RNF144A: variants seen among roughly 807,000 people sequenced by gnomAD.
RNF144A encodes the protein ring finger protein 144A.
Under a neutral mutation model 38.7 loss-of-function variants are expected in RNF144A, and 11 were observed. The ratio of observed to expected loss-of-function variants is 0.28; its 90% CI spans 0.18 to 0.47. The LOEUF is 0.47. RNF144A is among the 20% of genes least tolerant of loss of function. The pLI, the probability that RNF144A is intolerant of heterozygous loss-of-function variation, is 0.99. For synonymous variants in RNF144A, 149 were observed against 143.9 expected, an observed-to-expected ratio of 1.04 and a Z score of -0.25; for missense variants, 316 against 377.2, an observed-to-expected ratio of 0.84 and a Z score of 1.34.
At chr2:6,974,487 G>A (rs1188751422) in intron 2 of RNF144A, among the ~76,000 whole-genome samples, 1 of 151,938 alleles carries the variant, frequency 6.6e-6, no homozygotes, top group African/African-American at 2.4e-5. Context: ...CTTATAAGTT[G>A]GTGCACCTAG....
chr2:7,018,131 T>C (rs1453165503), intron 5 of RNF144A, among the ~76,000 whole-genome samples: 5 of 152,148 alleles, frequency 3.3e-5, no homozygotes, highest in African/African-American at 1.2e-4. Context: ...CTTTGGGATG[T>C]CTGCTCCTTG....
At chr2:6,952,615 A>T (rs1666757328) in intron 2 of RNF144A, among the ~76,000 whole-genome samples, 1 of 150,204 alleles carries the variant, frequency 6.7e-6, no homozygotes, top group African/African-American at 2.4e-5. Flanking sequence ...TGTTATATAT[A>T]AAAAAGTATG....
At chr2:7,024,971 G>T (rs1353119181) in intron 7 of RNF144A, among the ~76,000 whole-genome samples, 1 of 151,912 alleles carries the variant, frequency 6.6e-6, no homozygotes, top group Non-Finnish European at 1.5e-5. Flanking sequence ...TGGTGTTCAG[G>T]ATAGTGAGGA....
intron 6 of RNF144A, among the ~76,000 whole-genome samples, chr2:7,052,139 A>G (rs1673553928): frequency 6.6e-6 from 1 of 152,162 alleles, no homozygotes; most frequent in African/African-American, 2.4e-5. Context: ...CTCAGAAAGC[A>G]GGTGGTTTAT....
Position 7,024,351 on chromosome 2 carries a change from A to T in RNF144A, c.510-18A>T, listed in dbSNP as rs765049952. 2 of 1,591,816 alleles carry T rather than the reference A, an allele frequency of 1.3e-6. No homozygotes were observed. Among genetic ancestry groups the T allele is most frequent in the Non-Finnish European group, 1.7e-6 (2 of 1,161,672 alleles). On this transcript the variant is annotated intron_variant, in intron 6 of 8. Coordinates refer to ENST00000320892, the MANE Select transcript of RNF144A (RefSeq NM_014746.6). ...TGGGATCCGTTTGTGCAGAGTCCTCACGGCGTTTCTCCCACAGTGCTGCTT... is the reference window on the plus strand; with the variant it reads ...TGGGATCCGTTTGTGCAGAGTCCTCTCGGCGTTTCTCCCACAGTGCTGCTT...
At chr2:6,957,311 T>A (rs926637339) in intron 2 of RNF144A, among the ~76,000 whole-genome samples, 1 of 152,242 alleles carries the variant, frequency 6.6e-6, no homozygotes, top group Non-Finnish European at 1.5e-5. Context: ...TGCTCCGGTG[T>A]TGAGAGTGCT....
At chr2:6,964,732 A>C (rs1010734881) in intron 2 of RNF144A, among the ~76,000 whole-genome samples, 77 of 151,830 alleles carry the variant, frequency 5.1e-4, no homozygotes, top group South Asian at 1.7e-3. Context: ...AAAAAACCAA[A>C]CACCACATAT....
chr2:7,019,357 GGCGC>G (rs1440765460), intron 5 of RNF144A, among the ~76,000 whole-genome samples: 2 of 152,224 alleles, frequency 1.3e-5, no homozygotes, highest in African/African-American at 4.8e-5. Context: ...GTCCACGTGC[GGCGC>G]CAGCATGTTG....
chr2:6,934,359 A>G (rs1349323188), intron 1 of RNF144A, among the ~76,000 whole-genome samples: 1 of 151,992 alleles, frequency 6.6e-6, no homozygotes, highest in Non-Finnish European at 1.5e-5. Flanking sequence ...AGTGTTTTCT[A>G]TTGATATTTT....
rs920825664 is a variant in RNF144A at position 6,958,323 on chromosome 2, A to T, written c.-12+17176A>T. On this transcript the variant is annotated intron_variant, in intron 2 of 8. Coordinates refer to ENST00000320892, the MANE Select transcript of RNF144A (RefSeq NM_014746.6). The surrounding 1 kb of genome is among the most constrained non-coding windows in gnomAD (Gnocchi z 4.5). ...CAGCCTGCCGTGCCAGAGACAGAAC[A>T]GACACACGGACAAGGGCAAGCCTTC... 1.3e-5 allele frequency among the ~76,000 whole-genome samples: 2 copies of T among 152,246 alleles called. No homozygotes were observed. The highest frequency in any genetic ancestry group is 2.9e-5 in the Non-Finnish European group (2 of 68,046).
the RNF144A span, among the ~76,000 whole-genome samples, chr2:7,075,110 G>A: frequency 6.6e-6 from 1 of 152,150 alleles, no homozygotes; most frequent in Non-Finnish European, 1.5e-5. Context: ...GATGGTGGAT[G>A]GCTCACCTCT....
chr2:6,991,707 A>C (rs1047814609), intron 2 of RNF144A, among the ~76,000 whole-genome samples: 1 of 152,220 alleles, frequency 6.6e-6, no homozygotes, highest in African/African-American at 2.4e-5. Flanking sequence ...GAAATGAAGT[A>C]GTATATGCAA....
At chr2:7,054,540 C>A (rs1324600006) in intron 6 of RNF144A, among the ~76,000 whole-genome samples, 2 of 152,210 alleles carry the variant, frequency 1.3e-5, no homozygotes, top group Non-Finnish European at 2.9e-5. Context: ...CCAAATCCCT[C>A]ATAGGTGCTA....
chr2:6,995,784 G>T (rs375241034), intron 2 of RNF144A, among the ~76,000 whole-genome samples: 3 of 152,272 alleles, frequency 2.0e-5, no homozygotes, highest in Middle Eastern at 3.4e-3. Context: ...GACTCAAATG[G>T]TAATCTCCTT....
intron 2 of RNF144A, 101 bp from the exon 3 acceptor site, chr2:6,996,815 C>A: frequency 1.6e-6 from 2 of 1,261,930 alleles, no homozygotes; most frequent in Non-Finnish European, 2.2e-6. Flanking sequence ...AGTCAGTTGG[C>A]CACCTCCCTG....
chr2:6,958,184 C>A lies in RNF144A; in HGVS notation c.-12+17037C>A, dbSNP rs1434146934. Among the ~76,000 whole-genome samples, 1 of 152,230 alleles carries A rather than the reference C, an allele frequency of 6.6e-6. No homozygotes were observed. The highest frequency in any genetic ancestry group is 1.5e-5 in the Non-Finnish European group (1 of 68,048). ...TGCTGTCTCTTCCTGGAAGGTGGAACTTGATCACCACTCTGCCTGGCCTCA... is the reference window on the plus strand; with the variant it reads ...TGCTGTCTCTTCCTGGAAGGTGGAAATTGATCACCACTCTGCCTGGCCTCA... On this transcript the variant is annotated intron_variant, in intron 2 of 8. Coordinates refer to ENST00000320892, the MANE Select transcript of RNF144A (RefSeq NM_014746.6). This position sits in a 1 kb window ranked among gnomAD's most constrained non-coding sequence, Gnocchi z 4.5.
At chr2:6,969,434 G>A (rs1194209316) in intron 2 of RNF144A, among the ~76,000 whole-genome samples, 1 of 152,116 alleles carries the variant, frequency 6.6e-6, no homozygotes, top group African/African-American at 2.4e-5. Context: ...GGGGCCTGGA[G>A]CAGATCCTTC....
chr2:7,020,959 C>A (rs561809995), intron 6 of RNF144A, among the ~76,000 whole-genome samples: 3 of 152,170 alleles, frequency 2.0e-5, no homozygotes, highest in African/African-American at 4.8e-5. Flanking sequence ...CAAATGCATG[C>A]GTGGTTTGTT....
chr2:6,953,073 TA>T (rs1326759900), intron 2 of RNF144A, among the ~76,000 whole-genome samples: 3 of 152,190 alleles, frequency 2.0e-5, no homozygotes, highest in Non-Finnish European at 4.4e-5. Flanking sequence ...CTTTTTCAGC[TA>T]AAAACAGCTC....
Sources: allele counts gnomAD v4.1 joint callset (sites outside exome capture counted in the v4.1 genomes callset), GRCh38; gene constraint gnomAD v4.1.1; non-coding constraint Gnocchi (gnomAD v3.1); transcripts MANE v1.5; gene names NCBI Gene and HGNC (gene_info 2026-07-23, HGNC 2026-07-21).